ATG10: variants seen among roughly 807,000 people sequenced by gnomAD.
ATG10 encodes the protein autophagy related 10.
In ATG10, 30 loss-of-function variants were observed where a neutral mutation model predicts 32.1. That is an observed-to-expected ratio of 0.94 (90% CI 0.70 to 1.27). ATG10 has a LOEUF of 1.27. Ranked by LOEUF, ATG10 falls within the 50% of genes most tolerant of loss-of-function variation. The pLI is 0.00. For missense variants in ATG10, 233 were observed against 262.3 expected (o/e 0.89, Z 0.77); for synonymous variants, 87 against 91.5 (o/e 0.95, Z 0.28).
intron 3 of ATG10, among the ~76,000 whole-genome samples, chr5:82,139,134 T>A (rs1766920555): frequency 6.9e-6 from 1 of 144,906 alleles, no homozygotes; most frequent in Non-Finnish European, 1.5e-5. Context: ...GGAGTCTCGT[T>A]CACTCAGTGC....
chr5:82,075,947 C>T (rs1297709603), intron 3 of ATG10, among the ~76,000 whole-genome samples: 2 of 152,022 alleles, frequency 1.3e-5, no homozygotes, highest in Non-Finnish European at 1.5e-5. Flanking sequence ...ACAATAACAA[C>T]AACAACAACA....
chr5:82,048,642 CT>C (rs1763300133), intron 2 of ATG10, among the ~76,000 whole-genome samples: 1 of 151,988 alleles, frequency 6.6e-6, no homozygotes, highest in South Asian at 2.1e-4. Context: ...TTTTCACAAC[CT>C]ACTCATCTGA....
intron 3 of ATG10, among the ~76,000 whole-genome samples, chr5:82,100,000 G>GTTTTTTTTTTTTTTTTTTTTTTTTTTT (rs869311526): frequency 1.7e-5 from 1 of 58,940 alleles, no homozygotes; most frequent in African/African-American, 7.1e-5. Context: ...CTTTTTCTGT[G>GTTTTTTTTTTTTTTTTTTTTTTTTTTT]TTTTTTTTTT....
intron 4 of ATG10, 119 bp downstream of exon 4, chr5:82,164,656 G>T (rs879507363): frequency 1.0e-5 from 10 of 977,650 alleles, no homozygotes; most frequent in African/African-American, 1.7e-5. Flanking sequence ...GAAAACTGTG[G>T]GTGAGGTAAG....
chr5:82,004,782 A>G (rs1045553933), intron 2 of ATG10, among the ~76,000 whole-genome samples: 2 of 152,212 alleles, frequency 1.3e-5, no homozygotes, highest in Non-Finnish European at 2.9e-5. Context: ...TCAACTTGCT[A>G]TGAACGTTTC....
At chr5:82,030,665 T>C (rs1329262756) in intron 2 of ATG10, among the ~76,000 whole-genome samples, 3 of 152,200 alleles carry the variant, frequency 2.0e-5, no homozygotes, top group African/African-American at 7.2e-5. Flanking sequence ...ATACAAGATT[T>C]CCTTTCTTAA....
At chr5:82,185,986 T>G (rs1339477085) in intron 5 of ATG10, among the ~76,000 whole-genome samples, 1 of 152,220 alleles carries the variant, frequency 6.6e-6, no homozygotes, top group Admixed American at 6.5e-5. Context: ...TTCTCAGTGT[T>G]GGTATAGGTC....
intron 3 of ATG10, among the ~76,000 whole-genome samples, chr5:82,149,002 C>CAA (rs1376591291): frequency 6.6e-6 from 1 of 151,928 alleles, no homozygotes; most frequent in African/African-American, 2.4e-5. Flanking sequence ...TTAGTTGTTC[C>CAA]AGATATTCTT....
chr5:82,042,503 C>T (rs1464209228), intron 2 of ATG10, among the ~76,000 whole-genome samples: 2 of 152,168 alleles, frequency 1.3e-5, no homozygotes, highest in African/African-American at 4.8e-5. Context: ...TATCTCTTTT[C>T]AACAGTCCCC....
intron 2 of ATG10, among the ~76,000 whole-genome samples, chr5:82,033,327 T>TTTC (rs770097200): frequency 6.6e-6 from 1 of 151,794 alleles, no homozygotes; most frequent in African/African-American, 2.4e-5. Context: ...TTATTGCTCC[T>TTTC]TTCTTCTTCT....
At chr5:82,173,801 T>C (rs1743900423) in intron 4 of ATG10, among the ~76,000 whole-genome samples, 1 of 152,328 alleles carries the variant, frequency 6.6e-6, no homozygotes, top group East Asian at 1.9e-4. Context: ...TGTAAAAAAA[T>C]AGACTCTCTT....
intron 5 of ATG10, among the ~76,000 whole-genome samples, chr5:82,248,660 T>C (rs1469717660): frequency 1.3e-5 from 2 of 152,218 alleles, no homozygotes; most frequent in African/African-American, 4.8e-5. Flanking sequence ...GGAGAGGATT[T>C]GCTGACCTCT....
At chr5:82,205,833 A>ATGCAT (rs1745267802) in intron 5 of ATG10, among the ~76,000 whole-genome samples, 2 of 152,224 alleles carry the variant, frequency 1.3e-5, no homozygotes, top group African/African-American at 4.8e-5. Flanking sequence ...TACAAAATAG[A>ATGCAT]GTCAGCCAAA....
chr5:82,087,151 A>T (rs142520002), intron 3 of ATG10, among the ~76,000 whole-genome samples: 6 of 152,198 alleles, frequency 3.9e-5, no homozygotes, highest in Non-Finnish European at 7.4e-5. Flanking sequence ...GACAGGGTTT[A>T]TGCATCAAAA....
At chr5:82,170,941 A>G (rs1743784766) in intron 4 of ATG10, among the ~76,000 whole-genome samples, 1 of 151,878 alleles carries the variant, frequency 6.6e-6, no homozygotes, top group African/African-American at 2.4e-5. Context: ...GTCTCAGGGA[A>G]AAAAAAAAGA....
intron 2 of ATG10, among the ~76,000 whole-genome samples, chr5:82,028,429 C>G (rs181853550): frequency 6.6e-6 from 1 of 152,204 alleles, no homozygotes; most frequent in Admixed American, 6.5e-5. Flanking sequence ...TGAGTTTGTA[C>G]ACTGATGGGT....
At chr5:82,217,392 T>C (rs941642074) in intron 5 of ATG10, among the ~76,000 whole-genome samples, 16 of 152,196 alleles carry the variant, frequency 1.1e-4, no homozygotes, top group Non-Finnish European at 2.4e-4. Context: ...TTAGTTCATT[T>C]ACTACTTTTA....
intron 5 of ATG10, among the ~76,000 whole-genome samples, chr5:82,207,395 A>G (rs1408580486): frequency 6.6e-6 from 1 of 152,128 alleles, no homozygotes; most frequent in Non-Finnish European, 1.5e-5. Context: ...TTTAAATTTC[A>G]TATCCCTAAT....
At chr5:81,992,813 GAAAAGC>G (rs1304889266) in intron 2 of ATG10, among the ~76,000 whole-genome samples, 1 of 152,174 alleles carries the variant, frequency 6.6e-6, no homozygotes, top group Non-Finnish European at 1.5e-5. Context: ...AAGTTGATGA[GAAAAGC>G]AGTGCGAATT....
Sources: allele counts gnomAD v4.1 joint callset (sites outside exome capture counted in the v4.1 genomes callset), GRCh38; gene constraint gnomAD v4.1.1; transcripts MANE v1.5; gene names NCBI Gene and HGNC (gene_info 2026-07-23, HGNC 2026-07-21).